Variants in FAAP20 observed in about 807,000 individuals in gnomAD.
FAAP20 encodes the protein FA core complex associated protein 20, also known as Fanconi anemia core complex-associated protein 20.
A neutral mutation model predicts 16.2 loss-of-function variants in FAAP20; 12 were observed. The ratio of observed to expected loss-of-function variants is 0.74; its 90% CI spans 0.48 to 1.20. The LOEUF is 1.20. FAAP20 is among the 50% of genes most tolerant of loss of function. FAAP20 has a pLI of 0.00. For synonymous variants in FAAP20, 141 were observed against 110.7 expected (o/e 1.27, Z -1.72); for missense variants, 288 against 245.8 (o/e 1.17, Z -1.15).
upstream of FAAP20, chr1:2,200,187 G>A (rs572954316): frequency 2.0e-5 from 3 of 151,352 alleles, 1 homozygote; most frequent in South Asian, 6.2e-4. Context: ...TGTGAGGTCA[G>A]GAGTTCGAGA....
downstream of FAAP20, among the ~76,000 whole-genome samples, chr1:2,211,263 C>T (rs1295276794): frequency 4.3e-5 from 5 of 116,218 alleles, no homozygotes; most frequent in Non-Finnish European, 8.4e-5. Context: ...GAGTTTCGCT[C>T]TTGTTGCCCT....
chr1:2,210,397 GCCCCCCACGGCGC>G (rs1689403847), downstream of FAAP20, among the ~76,000 whole-genome samples: 1 of 152,122 alleles, frequency 6.6e-6, no homozygotes, highest in Non-Finnish European at 1.5e-5. Flanking sequence ...GAGAGCTCCA[GCCCCCCACGGCGC>G]CCACAGCCCT....
At chr1:2,207,032 T>C (rs1388403223) in intron 1 of FAAP20, among the ~76,000 whole-genome samples, 3 of 152,120 alleles carry the variant, frequency 2.0e-5, no homozygotes, top group Admixed American at 1.3e-4. Context: ...GGGCACTGTT[T>C]CCTGTCGAAG....
chr1:2,192,898 C>G, intron 3 of FAAP20: 1 of 1,303,242 alleles, frequency 7.7e-7, no homozygotes, highest in South Asian at 1.2e-5. Context: ...CCGTGCCCGG[C>G]CTTTTCTTTT....
At position 2,194,111 on chromosome 1, in the gene FAAP20, A is replaced by C; in HGVS notation, c.85T>G (p.Phe29Val). The C allele has an allele frequency of 1.2e-6, 2 of 1,612,230 alleles. No individual in the cohort carries two copies. Among genetic ancestry groups the C allele is most frequent in the South Asian group, 1.1e-5 (1 of 91,068 alleles). Residue 29 changes from phenylalanine (F) to valine (V), a missense_variant, in exon 2 of 4, where the codon TTT becomes GTT. Coordinates refer to ENST00000378546, the MANE Select transcript of FAAP20 (RefSeq NM_182533.4). ...TCCCGCTCATCACCCCCCAGGAGAA[A>C]CCAGGGGCGGCCGCCAGAAGGCCTG... is the stretch of plus-strand genomic sequence containing the variant. ...AGGPSGGRPW[F>V]LLGGDERERL...
chr1:2,198,768 A>C, upstream of FAAP20: 1 of 1,288,346 alleles, frequency 7.8e-7, no homozygotes, highest in Non-Finnish European at 1.0e-6. Context: ...TGGCAAGGAC[A>C]GCCAAAAGGC....
chr1:2,185,920 C>G (rs1687525750), downstream of FAAP20: 1 of 343,618 alleles, frequency 2.9e-6, no homozygotes, highest in African/African-American at 2.1e-5. Context: ...GATGACCCTA[C>G]AAACACCCAG....
chr1:2,184,684 G>A (rs1395127139), downstream of FAAP20: 4 of 1,613,252 alleles, frequency 2.5e-6, no homozygotes, highest in African/African-American at 4.0e-5. Context: ...CCGTGCAGCT[G>A]ACCCCAGACG....
chr1:2,203,592 T>C (rs1197133466), upstream of FAAP20: 44 of 985,930 alleles, frequency 4.5e-5, no homozygotes, highest in Non-Finnish European at 5.2e-5. Context: ...AGGTCCCACA[T>C]TTCTCAGAAG....
Sources: allele counts gnomAD v4.1 joint callset (sites outside exome capture counted in the v4.1 genomes callset), GRCh38; gene constraint gnomAD v4.1.1; transcripts MANE v1.5; gene names NCBI Gene and HGNC (gene_info 2026-07-23, HGNC 2026-07-21).